The following ABR variants were observed in gnomAD, a reference collection of about 807,000 sequenced individuals.
The protein encoded by ABR is ABR activator of RhoGEF and GTPase.
A neutral mutation model predicts 107.2 loss-of-function variants in ABR; 35 were observed. The ratio of observed to expected loss-of-function variants is 0.33; its 90% CI spans 0.25 to 0.43. ABR has a LOEUF of 0.43. ABR is among the 20% of genes least tolerant of loss of function. The pLI is 1.00. For missense variants in ABR, 815 were observed against 1,115.2 expected, an observed-to-expected ratio of 0.73 and a Z score of 3.83; for synonymous variants, 498 against 462.0, an observed-to-expected ratio of 1.08 and a Z score of -1.00.
At chr17:1,202,910 G>A (rs2042697318) in intron 1 of ABR, among the ~76,000 whole-genome samples, 2 of 138,918 alleles carry the variant, frequency 1.4e-5, no homozygotes, top group South Asian at 4.5e-4. Context: ...TTTTTAAGAT[G>A]GAGTCTTGCT....
intron 2 of ABR, chr17:1,109,169 A>T: frequency 7.3e-7 from 1 of 1,378,676 alleles, no homozygotes; most frequent in Non-Finnish European, 9.5e-7. Flanking sequence ...GGGCAGGTCT[A>T]CACCCGCGCG....
At chr17:1,187,869 G>C (rs1201697480), upstream of ABR, among the ~76,000 whole-genome samples, 1 of 151,718 alleles carries the variant, frequency 6.6e-6, no homozygotes, top group Non-Finnish European at 1.5e-5. Context: ...ACTCCAATCT[G>C]GGTGCGACAG....
chr17:1,021,587 C>CTT (rs2071645781), intron 16 of ABR, among the ~76,000 whole-genome samples: 1 of 151,742 alleles, frequency 6.6e-6, no homozygotes, highest in Non-Finnish European at 1.5e-5. Flanking sequence ...GGGCGGATCA[C>CTT]AAGGTCAGGA....
In ABR at chr17:1,037,748, T is replaced by G. The variant is rs965573815; in HGVS notation, c.1791+12302A>C. On this transcript the variant is annotated intron_variant, in intron 16 of 22. Coordinates refer to ENST00000302538, the MANE Select transcript of ABR (RefSeq NM_021962.5). The surrounding 1 kb of genome is among the most constrained non-coding windows in gnomAD (Gnocchi z 4.6). ...GGCAGGAGGGGCTGAGGCCTGAAGG[T>G]GGGATGGGGTCGCCGAGCCTCCCTG... Among the ~76,000 whole-genome samples, 1 of 151,848 alleles carries G rather than the reference T, an allele frequency of 6.6e-6. No individual in the cohort carries two copies. Among genetic ancestry groups the G allele is most frequent in the Non-Finnish European group, 1.5e-5 (1 of 67,936 alleles).
chr17:1,057,022 T>C lies in ABR; in HGVS notation c.1462A>G (p.Ile488Val). 6.2e-7 allele frequency: 1 copy of C among 1,609,394 alleles called. No individual in the cohort carries two copies. Among genetic ancestry groups the C allele is most frequent in the Non-Finnish European group, 8.5e-7 (1 of 1,176,338 alleles). ...CCGTCTTTATTGCTGGTGACAGGAATGTTGTGTACAGTCCTAAGCTTGAAA... is the reference window on the plus strand; with the variant it reads ...CCGTCTTTATTGCTGGTGACAGGAACGTTGTGTACAGTCCTAAGCTTGAAA... ...SCFKLRTVHN[I>V]PVTSNKDDDE... is the part of the protein sequence containing the mutation. Residue 488 changes from isoleucine to valine, a missense_variant, in exon 13 of 23, where the codon ATT becomes GTT. This residue lies in a region of ABR where 385 missense variants were observed against 596.9 expected (regional missense o/e 0.64). Transcript: ENST00000302538.
chr17:1,077,571 T>A (rs1287167668), intron 6 of ABR, among the ~76,000 whole-genome samples: 1 of 152,044 alleles, frequency 6.6e-6, no homozygotes, highest in Non-Finnish European at 1.5e-5. Context: ...AGAGCTTGCT[T>A]CCATCAAGAG....
Position 1,011,393 on chromosome 17 carries a change from A to G in ABR, c.2101+453T>C, listed in dbSNP as rs2070532085. ...TGGGGTATGTGGCTGCTGCACCTGA[A>G]CCAGCAGGAGCAGGGAGGAGAAACC... On this transcript the variant is annotated intron_variant, in intron 19 of 22. Coordinates refer to ENST00000302538, the MANE Select transcript of ABR (RefSeq NM_021962.5). The surrounding 1 kb of genome is among the most constrained non-coding windows in gnomAD (Gnocchi z 4.8). 1.8e-5 allele frequency: 3 copies of G among 167,126 alleles called. No homozygotes were observed. The highest frequency in any genetic ancestry group is 3.9e-5 in the Non-Finnish European group (3 of 77,062). 10.4% of individuals were successfully genotyped at this position (167,126 alleles called of 1,614,324 possible). A position where few individuals can be genotyped will look rare whatever the true frequency, so the allele number is the denominator to read the frequency against.
chr17:1,120,562 A>G (rs574069282), intron 2 of ABR, among the ~76,000 whole-genome samples: 63 of 152,344 alleles, frequency 4.1e-4, no homozygotes, highest in Non-Finnish European at 6.8e-4. Flanking sequence ...GACAGGCGTG[A>G]GCCACCGCAC....
intron 12 of ABR, 74 bp from the exon 13 acceptor site, chr17:1,057,176 G>T: frequency 9.9e-7 from 1 of 1,011,270 alleles, no homozygotes; most frequent in Non-Finnish European, 1.5e-6. Flanking sequence ...CCTGGGGGCT[G>T]CTGCAGGAAG....
chr17:1,019,446 CCTGCTGCAGGTGTGGCCCTGGTAT>C (rs1291249083), intron 16 of ABR, among the ~76,000 whole-genome samples: 5 of 151,686 alleles, frequency 3.3e-5, no homozygotes, highest in Admixed American at 6.6e-5. Context: ...CTTCCTGGTG[CCTGCTGCAGGTGTGGCCCTGGTAT>C]CTGCTGCAGG....
chr17:1,146,721 GCCA>G (rs2151514056), intron 1 of ABR, among the ~76,000 whole-genome samples: 1 of 144,220 alleles, frequency 6.9e-6, no homozygotes, highest in African/African-American at 2.6e-5. Flanking sequence ...TGCCACTACT[GCCA>G]CCATTGCCAC....
intron 10 of ABR, among the ~76,000 whole-genome samples, chr17:1,061,945 C>G (rs903845438): frequency 2.0e-5 from 3 of 152,180 alleles, no homozygotes; most frequent in African/African-American, 7.2e-5. Context: ...AGAGAGGAGT[C>G]TGACAATGCA....
chr17:1,173,354 AACACATCACCTCAGCCCACC>A (rs2041815650), intron 1 of ABR, among the ~76,000 whole-genome samples: 1 of 105,690 alleles, frequency 9.5e-6, no homozygotes, highest in Admixed American at 1.1e-4. Context: ...CAGTCCACTC[AACACATCACCTCAGCCCACC>A]CCCCACACAT....
intron 1 of ABR, among the ~76,000 whole-genome samples, chr17:1,132,736 A>G (rs948445093): frequency 4.6e-5 from 7 of 152,242 alleles, no homozygotes; most frequent in Admixed American, 6.5e-5. Flanking sequence ...CTAAATGTGT[A>G]AGGGAAATGA....
chr17:1,178,236 C>A (rs1401999692), intron 1 of ABR, among the ~76,000 whole-genome samples: 1 of 151,958 alleles, frequency 6.6e-6, no homozygotes, highest in Non-Finnish European at 1.5e-5. Flanking sequence ...TCCCCCCACC[C>A]CCCCCATATG....
intron 2 of ABR, among the ~76,000 whole-genome samples, chr17:1,122,841 T>C (rs944840585): frequency 1.3e-5 from 2 of 152,222 alleles, no homozygotes; most frequent in Non-Finnish European, 2.9e-5. Context: ...ACCTTGGGCT[T>C]CCCGTTGGCT....
chr17:1,018,520 C>T (rs564043514), intron 16 of ABR, among the ~76,000 whole-genome samples: 17 of 152,324 alleles, frequency 1.1e-4, no homozygotes, highest in Admixed American at 8.5e-4. Flanking sequence ...CAGCTTCCCA[C>T]GACTGGGTGC....
chr17:1,171,440 G>A (rs555789918), intron 1 of ABR, among the ~76,000 whole-genome samples: 12 of 152,240 alleles, frequency 7.9e-5, no homozygotes, highest in East Asian at 1.9e-4. Flanking sequence ...CCGATGCCCC[G>A]GGGAGTCCAG....
chr17:1,127,684 G>T (rs868699943), intron 1 of ABR, among the ~76,000 whole-genome samples: 1 of 152,168 alleles, frequency 6.6e-6, no homozygotes, highest in Non-Finnish European at 1.5e-5. Context: ...TTTGCCCACA[G>T]TTTAGATTCC....
Sources: allele counts gnomAD v4.1 joint callset (sites outside exome capture counted in the v4.1 genomes callset), GRCh38; gene constraint gnomAD v4.1.1; regional missense constraint gnomAD v4.1.1; non-coding constraint Gnocchi (gnomAD v3.1); transcripts MANE v1.5; gene names NCBI Gene and HGNC (gene_info 2026-07-23, HGNC 2026-07-21).